Variants in SLC1A6 observed in about 807,000 individuals in gnomAD.
SLC1A6 encodes excitatory amino acid transporter 4.
Under a neutral mutation model 42.1 loss-of-function variants are expected in SLC1A6, and 15 were observed. The observed-to-expected ratio is 0.36, with a 90% CI of 0.24 to 0.55. The LOEUF is 0.55. Among genes scored for constraint, SLC1A6 ranks in the 20% least tolerant of loss-of-function variants. SLC1A6 has a pLI of 0.88. For missense variants in SLC1A6, 542 were observed against 772.5 expected (o/e 0.70, Z 3.54); for synonymous variants, 317 against 319.7 (o/e 0.99, Z 0.09).
chr19:14,990,037 A>G (rs2045812001), intron 1 of SLC1A6, among the ~76,000 whole-genome samples: 1 of 152,168 alleles, frequency 6.6e-6, no homozygotes, highest in Non-Finnish European at 1.5e-5. Context: ...AAGTTAAAAT[A>G]GAATTACCAT....
At chr19:15,003,443 C>T (rs1297824814) in intron 1 of SLC1A6, among the ~76,000 whole-genome samples, 2 of 152,146 alleles carry the variant, frequency 1.3e-5, no homozygotes, top group Non-Finnish European at 2.9e-5. Context: ...ACACCTCCAC[C>T]AGAAAAGCGA....
intron 1 of SLC1A6, among the ~76,000 whole-genome samples, chr19:15,009,704 C>T (rs931575432): frequency 6.6e-6 from 1 of 152,120 alleles, no homozygotes; most frequent in Non-Finnish European, 1.5e-5. Context: ...TAGTCTTCAC[C>T]ACTAGAAAAT....
Position 14,950,176 on chromosome 19 carries a change from G to C in SLC1A6, c.*19C>G. 3 of 1,496,198 alleles carry C rather than the reference G, an allele frequency of 2.0e-6. No homozygotes were observed. Among genetic ancestry groups the C allele is most frequent in the Non-Finnish European group, 2.7e-6 (3 of 1,116,070 alleles). The allele number at this position is 1,496,198 out of a possible 1,614,324, so 92.7% of individuals were successfully genotyped here. A position where few individuals can be genotyped will look rare whatever the true frequency, so the allele number is the denominator to read the frequency against. The stretch of plus-strand genomic sequence containing the variant: ...CAGCCCCCTTCCCTCCTCTCTGGGG[G>C]GGCAGAGCTGGAGGCCCCTCACATA... On this transcript the variant is annotated 3_prime_UTR_variant, in exon 10 of 10. Coordinates refer to ENST00000594383, the MANE Select transcript of SLC1A6 (RefSeq NM_005071.3).
chr19:14,966,463 C>T (rs755195624), intron 4 of SLC1A6, among the ~76,000 whole-genome samples: 1 of 151,640 alleles, frequency 6.6e-6, no homozygotes, highest in Non-Finnish European at 1.5e-5. Flanking sequence ...CCAGCCTGGG[C>T]AATGGAGTGC....
At chr19:14,958,641 C>CT (rs1168077598) in intron 6 of SLC1A6, among the ~76,000 whole-genome samples, 1 of 152,140 alleles carries the variant, frequency 6.6e-6, no homozygotes, top group African/African-American at 2.4e-5. Context: ...TATGCTTACT[C>CT]TGAGTAATCC....
intron 1 of SLC1A6, among the ~76,000 whole-genome samples, chr19:14,995,459 A>G (rs578125118): frequency 6.6e-6 from 1 of 152,222 alleles, no homozygotes; most frequent in Middle Eastern, 3.4e-3. Flanking sequence ...ATGTTGGTCA[A>G]AGGATGCCAA....
intron 1 of SLC1A6, among the ~76,000 whole-genome samples, chr19:14,989,285 G>A (rs1368791540): frequency 6.6e-6 from 1 of 152,068 alleles, no homozygotes; most frequent in Non-Finnish European, 1.5e-5. Context: ...TTTTAAGGAG[G>A]AGTTTCACTC....
At chr19:14,964,469 A>T in intron 4 of SLC1A6, 108 bp from the exon 5 acceptor site, 1 of 865,596 alleles carries the variant, frequency 1.2e-6, no homozygotes, top group East Asian at 2.4e-5. Flanking sequence ...CCAACATATG[A>T]ATGCTTCCTC....
At chr19:14,986,101 A>ATTTTTTTTTT (rs34189680) in intron 1 of SLC1A6, among the ~76,000 whole-genome samples, 1 of 145,860 alleles carries the variant, frequency 6.9e-6, no homozygotes. Context: ...ACAAGCAGTA[A>ATTTTTTTTTT]TTTTTTTTTT....
chr19:14,978,700 A>G (rs1254450460), intron 1 of SLC1A6, among the ~76,000 whole-genome samples: 9 of 151,722 alleles, frequency 5.9e-5, no homozygotes, highest in Non-Finnish European at 2.9e-5. Context: ...CACTTGCCAC[A>G]TTCATGTACA....
chr19:15,010,545 A>G (rs1268628906), exon 1 of SLC1A6: 3 of 639,906 alleles, frequency 4.7e-6, no homozygotes, highest in Non-Finnish European at 5.8e-6. Flanking sequence ...TAAAGCTGGA[A>G]GAAGGGCCAT....
Position 15,000,672 on chromosome 19 carries a change from G to A in SLC1A6, c.6+9813C>T, listed in dbSNP as rs184375556. Among the ~76,000 whole-genome samples the A allele has an allele frequency of 1.7e-3, 255 of 152,294 alleles. 1 individual carries two copies. Among genetic ancestry groups the A allele is most frequent in the African/African-American group, 6.0e-3 (250 of 41,568 alleles). ...AACAGTGCTGCAATAAACATGGGGA[G>A]TGCAAATATCTCCTTGACATACTGA... On this transcript the variant is annotated intron_variant, in intron 1 of 8. Coordinates refer to the SLC1A6 transcript ENST00000430939.
In SLC1A6 at chr19:14,975,750, CAAA is replaced by C. The variant is rs373107410; in HGVS notation, c.-7-2836_-7-2834del. ...CCTGGGTGACAAAGCCAGACTTTGT[CAAA>C]AAAAAAAAAAAAGGAAAAAAAAAAA... On this transcript the variant is annotated intron_variant, in intron 1 of 9. Coordinates refer to ENST00000594383, the MANE Select transcript of SLC1A6 (RefSeq NM_005071.3). 9.9e-5 allele frequency among the ~76,000 whole-genome samples: 11 copies of C among 111,342 alleles called. 1 individual carries two copies. Among genetic ancestry groups the C allele is most frequent in the Non-Finnish European group, 1.6e-4 (9 of 55,178 alleles). 73.0% of individuals were successfully genotyped at this position (111,342 alleles called of 152,430 possible). A position where few individuals can be genotyped will look rare whatever the true frequency, so the allele number is the denominator to read the frequency against.
intron 6 of SLC1A6, 154 bp downstream of exon 6, chr19:14,961,848 A>C: frequency 9.0e-7 from 1 of 1,114,620 alleles, no homozygotes; most frequent in Non-Finnish European, 1.2e-6. Context: ...TCATCCCAGA[A>C]AGACATGAAT....
At chr19:14,985,964 GA>G (rs1178099170) in intron 1 of SLC1A6, among the ~76,000 whole-genome samples, 23 of 150,470 alleles carry the variant, frequency 1.5e-4, no homozygotes, top group Non-Finnish European at 2.4e-4. Flanking sequence ...TCTCAAAAAA[GA>G]AAAAAAACAA....
chr19:14,970,930 T>A (rs1161670335), intron 3 of SLC1A6, among the ~76,000 whole-genome samples: 1 of 151,954 alleles, frequency 6.6e-6, no homozygotes, highest in African/African-American at 2.4e-5. Flanking sequence ...AGGAAATCGA[T>A]ATCATCCTGA....
chr19:14,951,619 C>G (rs573733060), intron 9 of SLC1A6, among the ~76,000 whole-genome samples: 1 of 151,374 alleles, frequency 6.6e-6, no homozygotes, highest in African/African-American at 2.4e-5. Context: ...CAGGTTCAAG[C>G]GATTCTCCTG....
intron 3 of SLC1A6, among the ~76,000 whole-genome samples, chr19:14,971,110 C>G (rs1035700852): frequency 5.3e-5 from 8 of 152,114 alleles, no homozygotes; most frequent in Admixed American, 5.2e-4. Context: ...AGCCTGGTAA[C>G]AGAGCAAGAT....
intron 1 of SLC1A6, among the ~76,000 whole-genome samples, chr19:15,003,637 C>T (rs575657515): frequency 1.5e-5 from 2 of 134,488 alleles, no homozygotes; most frequent in South Asian, 4.6e-4. Context: ...GATTTCACAG[C>T]GAAGGGCATC....
Sources: gnomAD v4.1 joint callset for allele counts (sites outside exome capture counted in the v4.1 genomes callset) on GRCh38, gnomAD v4.1.1 for gene constraint, MANE v1.5 for transcripts, NCBI Gene and HGNC (gene_info 2026-07-23, HGNC 2026-07-21) for gene names.